CCDC15: variants seen among roughly 807,000 people sequenced by gnomAD.
The protein encoded by CCDC15 is coiled-coil domain-containing protein 15.
In CCDC15, 105 loss-of-function variants were observed where a neutral mutation model predicts 114.5. That is an observed-to-expected ratio of 0.92 (90% CI 0.78 to 1.08). The LOEUF (loss-of-function observed/expected upper bound fraction) is 1.08. Among genes scored for constraint, CCDC15 ranks in the 50% least tolerant of loss-of-function variants. CCDC15 has a pLI of 0.00. For missense variants in CCDC15, 1,105 were observed against 1,093.6 expected (o/e 1.01, Z -0.15); for synonymous variants, 334 against 377.8 (o/e 0.88, Z 1.34).
intron 6 of CCDC15, among the ~76,000 whole-genome samples, chr11:124,979,796 A>G (rs1265072060): frequency 6.6e-6 from 1 of 152,134 alleles, no homozygotes; most frequent in Non-Finnish European, 1.5e-5. Flanking sequence ...TAGCACTTCT[A>G]GTACCATGTT....
At chr11:124,995,596 G>A (rs1256187469) in intron 11 of CCDC15, among the ~76,000 whole-genome samples, 1 of 152,124 alleles carries the variant, frequency 6.6e-6, no homozygotes. Context: ...AGATACAGTT[G>A]TGAGCAAGAC....
At position 124,985,071 on chromosome 11, in the gene CCDC15, A is replaced by G. The variant is rs1343957263; in HGVS notation, c.754-1671A>G. Among the ~76,000 whole-genome samples the G allele has an allele frequency of 2.6e-5, 4 of 152,308 alleles. No homozygotes were observed. In the East Asian group the frequency reaches 5.8e-4, roughly 22 times the overall value. On this transcript the variant is annotated intron_variant, in intron 6 of 15. Coordinates refer to ENST00000344762, the MANE Select transcript of CCDC15 (RefSeq NM_025004.3). ...ACCTTTTGTCTGTATAGGTTTACCT[A>G]TACTGGACATTTCATATGAAAGGAA...
chr11:124,960,135 C>CTTT (rs57279788), intron 4 of CCDC15, 132 bp downstream of exon 4: 49 of 435,312 alleles, frequency 1.1e-4, no homozygotes, highest in Non-Finnish European at 1.5e-4. Flanking sequence ...AATCATCCCC[C>CTTT]TTTTTTTTTT....
Position 124,954,815 on chromosome 11 carries a change from T to G in CCDC15, c.83T>G (p.Val28Gly), listed in dbSNP as rs1480066481. 1 of 1,613,826 alleles carries G rather than the reference T, an allele frequency of 6.2e-7. No individual in the cohort carries two copies. Among genetic ancestry groups the G allele is most frequent in the African/African-American group, 1.3e-5 (1 of 74,910 alleles). ...TTAAACCCCCTGAAGAGCAAGGACG[T>G]GTTGGCAGTGCTGGCTGAGAGGAAC... ...LALNPLKSKD[V>G]LAVLAERNEA... Residue 28 changes from valine to glycine, a missense_variant, in exon 2 of 16, where the codon GTG becomes GGG. Coordinates refer to ENST00000344762, the MANE Select transcript of CCDC15 (RefSeq NM_025004.3).
intron 13 of CCDC15, among the ~76,000 whole-genome samples, chr11:125,015,729 A>G (rs1185345612): frequency 6.6e-6 from 1 of 152,240 alleles, no homozygotes; most frequent in Admixed American, 6.5e-5. Context: ...ATATTTCTCA[A>G]ATAAAGCATA....
At chr11:125,027,307 A>G (rs377208106) in intron 13 of CCDC15, among the ~76,000 whole-genome samples, 1 of 152,180 alleles carries the variant, frequency 6.6e-6, no homozygotes, top group African/African-American at 2.4e-5. Context: ...TCTTTAAGGA[A>G]TCTTCATGCT....
At chr11:124,957,716 A>G (rs958378305) in intron 2 of CCDC15, among the ~76,000 whole-genome samples, 2 of 152,138 alleles carry the variant, frequency 1.3e-5, no homozygotes, top group Non-Finnish European at 2.9e-5. Context: ...ACACTTGTAC[A>G]CTCCACTAGA....
At chr11:125,019,841 C>T (rs1351290249) in intron 13 of CCDC15, among the ~76,000 whole-genome samples, 7 of 151,928 alleles carry the variant, frequency 4.6e-5, no homozygotes, top group African/African-American at 1.7e-4. Context: ...TTAGTGATTG[C>T]TCTCTTTTTT....
chr11:124,996,911 A>G (rs1255399525), intron 11 of CCDC15, among the ~76,000 whole-genome samples: 1 of 152,168 alleles, frequency 6.6e-6, no homozygotes, highest in Non-Finnish European at 1.5e-5. Context: ...TATATACTAC[A>G]TTTTGATTAC....
At chr11:124,986,974 G>A in intron 7 of CCDC15, 86 bp downstream of exon 7, 1 of 1,411,356 alleles carries the variant, frequency 7.1e-7, no homozygotes, top group Non-Finnish European at 9.3e-7. Context: ...TGTAGATTTA[G>A]CTTTTGTTAA....
chr11:125,010,649 C>T (rs888185622), intron 13 of CCDC15, among the ~76,000 whole-genome samples: 3 of 152,136 alleles, frequency 2.0e-5, no homozygotes, highest in African/African-American at 7.2e-5. Context: ...GAGTGAGCTA[C>T]CACGCCTGGC....
At chr11:125,033,566 G>A (rs549653961) in intron 13 of CCDC15, among the ~76,000 whole-genome samples, 8 of 152,086 alleles carry the variant, frequency 5.3e-5, no homozygotes, top group Admixed American at 2.0e-4. Context: ...ATTGGTTAAG[G>A]ATATATCTTC....
At chr11:125,020,391 G>A (rs949126557) in intron 13 of CCDC15, among the ~76,000 whole-genome samples, 6 of 151,870 alleles carry the variant, frequency 4.0e-5, no homozygotes, top group Non-Finnish European at 7.4e-5. Context: ...TAGTGCTTTG[G>A]CATTATATGA....
rs1052309241 is a variant in CCDC15 at position 125,017,850 on chromosome 11, TA to T, written c.2411+12645del. Among the ~76,000 whole-genome samples, 19 of 152,172 alleles carry T rather than the reference TA, an allele frequency of 1.2e-4. No homozygotes were observed. In the Middle Eastern group the frequency reaches 0.014, roughly 109 times the overall value. On this transcript the variant is annotated intron_variant, in intron 13 of 15. Coordinates refer to ENST00000344762, the MANE Select transcript of CCDC15 (RefSeq NM_025004.3). ...TTTTAACAAAATAGTTTAAAAAGTT[TA>T]AAAAAATTTAATGGAAAAAGCATAT...
At chr11:124,983,881 G>A (rs1208830039) in intron 6 of CCDC15, among the ~76,000 whole-genome samples, 1 of 152,110 alleles carries the variant, frequency 6.6e-6, no homozygotes, top group Non-Finnish European at 1.5e-5. Flanking sequence ...CCAGAGGATG[G>A]AGCGGCGGGA....
At chr11:125,020,067 A>G (rs1948652131) in intron 13 of CCDC15, among the ~76,000 whole-genome samples, 2 of 151,926 alleles carry the variant, frequency 1.3e-5, no homozygotes, top group Non-Finnish European at 2.9e-5. Flanking sequence ...GTCACAAGGA[A>G]GAATACTGGC....
At chr11:124,981,548 T>C (rs958791565) in intron 6 of CCDC15, among the ~76,000 whole-genome samples, 1 of 152,082 alleles carries the variant, frequency 6.6e-6, no homozygotes, top group Non-Finnish European at 1.5e-5. Context: ...TTTTACCATA[T>C]TGGCCAGTCT....
rs961326834 is a variant in CCDC15 at position 125,041,286 on chromosome 11, A to T, written c.*575A>T. The T allele has an allele frequency of 3.3e-5, 5 of 152,062 alleles. No individual in the cohort carries two copies. Among genetic ancestry groups the T allele is most frequent in the Admixed American group, 3.3e-4 (5 of 15,274 alleles). 9.4% of individuals were successfully genotyped at this position (152,062 alleles called of 1,614,324 possible). The stretch of plus-strand genomic sequence containing the variant: ...AGTGACACTGGACATAGGAATTTTT[A>T]ATTGTGTAATTTTCTGTTGCAAAAA... On this transcript the variant is annotated 3_prime_UTR_variant, in exon 16 of 16. Transcript: ENST00000344762.
intron 6 of CCDC15, among the ~76,000 whole-genome samples, chr11:124,983,189 G>A (rs569391764): frequency 3.9e-5 from 6 of 152,150 alleles, no homozygotes; most frequent in South Asian, 2.1e-4. Flanking sequence ...CTTCTGTATC[G>A]TTTTATTGTA....
Sources: gnomAD v4.1 joint callset for allele counts (sites outside exome capture counted in the v4.1 genomes callset) on GRCh38, gnomAD v4.1.1 for gene constraint, MANE v1.5 for transcripts, NCBI Gene and HGNC (gene_info 2026-07-23, HGNC 2026-07-21) for gene names.